Variants in PCDHA7 observed in about 807,000 individuals in gnomAD.
The protein encoded by PCDHA7 is protocadherin alpha 7, also known as protocadherin alpha-7.
PCDHA7 carries 37 observed loss-of-function variants against 57.2 expected under a neutral mutation model. The observed-to-expected ratio is 0.65, with a 90% CI of 0.50 to 0.85. PCDHA7 has a LOEUF of 0.85. Among genes scored for constraint, PCDHA7 ranks in the 40% least tolerant of loss-of-function variants. The probability of loss-of-function intolerance (pLI) is 0.00; values close to 1 mark genes in which losing one functional copy is unlikely to be tolerated. For missense variants in PCDHA7, 1,188 were observed against 1,241.8 expected, an observed-to-expected ratio of 0.96 and a Z score of 0.65; for synonymous variants, 553 against 558.8, an observed-to-expected ratio of 0.99 and a Z score of 0.15.
intron 1 of PCDHA7, chr5:140,883,678 G>A (rs555791080): frequency 3.7e-6 from 6 of 1,613,902 alleles, no homozygotes; most frequent in South Asian, 3.3e-5. Flanking sequence ...ACAATCCGCC[G>A]GGCTGCCACA....
intron 3 of PCDHA7, among the ~76,000 whole-genome samples, chr5:140,995,219 GT>G (rs1554254532): frequency 6.6e-6 from 1 of 152,072 alleles, no homozygotes; most frequent in East Asian, 1.9e-4. Flanking sequence ...CAATACTCTT[GT>G]GCTTTGGGGC....
chr5:140,955,976 G>A (rs2095244273), intron 1 of PCDHA7, among the ~76,000 whole-genome samples: 1 of 152,180 alleles, frequency 6.6e-6, no homozygotes, highest in South Asian at 2.1e-4. Flanking sequence ...AGGAATGCTA[G>A]CAATTTTTGC....
chr5:141,000,304 G>A (rs1225893261), intron 3 of PCDHA7, among the ~76,000 whole-genome samples: 1 of 147,530 alleles, frequency 6.8e-6, no homozygotes, highest in Non-Finnish European at 1.5e-5. Context: ...GAGGCCAGGA[G>A]TTCAAGACCA....
chr5:140,845,125 T>C (rs1779709915), intron 1 of PCDHA7, among the ~76,000 whole-genome samples: 1 of 149,748 alleles, frequency 6.7e-6, no homozygotes, highest in Non-Finnish European at 1.5e-5. Flanking sequence ...GTTTAGCATT[T>C]TATTTGACTA....
intron 1 of PCDHA7, chr5:140,966,328 C>T: frequency 5.1e-6 from 2 of 392,484 alleles, no homozygotes; most frequent in Non-Finnish European, 9.0e-6. Context: ...CGCTGGGATC[C>T]GGCAGGTCCA....
chr5:140,884,598 C>T (rs782317237), intron 1 of PCDHA7: 4 of 1,614,108 alleles, frequency 2.5e-6, no homozygotes. Flanking sequence ...CCCAGCCTTC[C>T]TCCTTGTCTG....
intron 1 of PCDHA7, chr5:140,870,542 A>T (rs781984897): frequency 1.2e-6 from 2 of 1,614,132 alleles, no homozygotes; most frequent in Non-Finnish European, 1.7e-6. Context: ...TCGGCGCGGG[A>T]CGCGGACGCG....
chr5:140,890,499 TTA>T (rs1320014650), intron 1 of PCDHA7, among the ~76,000 whole-genome samples: 1 of 152,222 alleles, frequency 6.6e-6, no homozygotes, highest in Non-Finnish European at 1.5e-5. Flanking sequence ...CTCACCATTT[TTA>T]TGTCTCTATT....
chr5:140,883,507 G>T (rs782325165), intron 1 of PCDHA7: 1 of 1,614,200 alleles, frequency 6.2e-7, no homozygotes, highest in South Asian at 1.1e-5. Flanking sequence ...ACAGCGCCCT[G>T]GACCGCGAGA....
At chr5:140,883,634 G>C (rs782548505) in intron 1 of PCDHA7, 18 of 1,613,174 alleles carry the variant, frequency 1.1e-5, no homozygotes, top group African/African-American at 5.4e-5. Flanking sequence ...GCCGGCGTTC[G>C]CGCAGCCCGA....
chr5:140,835,950 T>C lies in PCDHA7; in HGVS notation c.1567T>C (p.Leu523=), dbSNP rs2150248935. Residue 523 remains leucine, a synonymous_variant, in exon 1 of 4, where the codon TTG becomes CTG. Coordinates refer to ENST00000525929, the MANE Select transcript of PCDHA7 (RefSeq NM_018910.3). ...CGGCAAGGTGTACGCGCTGCAGCCGTTGGACCACGAGGAGCTGGAGCTGTT... is the reference window on the plus strand; with the variant it reads ...CGGCAAGGTGTACGCGCTGCAGCCGCTGGACCACGAGGAGCTGGAGCTGTT... ...ESGKVYALQP[L]DHEELELLQF... 2.7e-5 allele frequency: 44 copies of C among 1,612,684 alleles called. No homozygotes were observed. The highest frequency in any genetic ancestry group is 3.6e-4 in the Middle Eastern group (2 of 5,552).
chr5:140,927,529 C>G, intron 1 of PCDHA7: 2 of 1,614,098 alleles, frequency 1.2e-6, no homozygotes, highest in South Asian at 1.1e-5. Flanking sequence ...GCTACCTGCC[C>G]GCTCAGGAGA....
rs185799175 is a variant in PCDHA7, at chr5:140,887,220, C to G, written c.2355+50482C>G. ...CACGCCATTCTCCTGCCTCAGCCTC[C>G]CGAGTAGCTGAGACTACCGGCGCCC... On this transcript the variant is annotated intron_variant, in intron 1 of 3. Coordinates refer to ENST00000525929, the MANE Select transcript of PCDHA7 (RefSeq NM_018910.3). Among the ~76,000 whole-genome samples, 14 of 152,078 alleles carry G rather than the reference C, an allele frequency of 9.2e-5. No individual in the cohort carries two copies. In the East Asian group the frequency reaches 2.7e-3, roughly 30 times the overall value.
chr5:140,841,839 G>T, intron 1 of PCDHA7: 1 of 1,613,898 alleles, frequency 6.2e-7, no homozygotes, highest in South Asian at 1.1e-5. Context: ...TACAGGCTTA[G>T]CTCTCATGAT....
rs982709387 is a variant in PCDHA7, at chr5:141,003,306, C to T, written c.2504-6321C>T. ...TGGATTATAGGATTACATGAAGTGG[C>T]CAGCTACTTCCAGAGGGCAGGGTTT... On this transcript the variant is annotated intron_variant, in intron 3 of 3. Coordinates refer to ENST00000525929, the MANE Select transcript of PCDHA7 (RefSeq NM_018910.3). 1.7e-4 allele frequency among the ~76,000 whole-genome samples: 26 copies of T among 152,276 alleles called. No homozygotes were observed. In the East Asian group the frequency reaches 4.1e-3, roughly 24 times the overall value.
At chr5:140,986,044 G>A (rs1261726247) in intron 3 of PCDHA7, among the ~76,000 whole-genome samples, 4 of 152,078 alleles carry the variant, frequency 2.6e-5, no homozygotes, top group African/African-American at 9.7e-5. Flanking sequence ...TGGCCTCACT[G>A]ATGAATTCTT....
intron 1 of PCDHA7, chr5:140,883,623 C>A: frequency 6.2e-7 from 1 of 1,613,988 alleles, no homozygotes; most frequent in Non-Finnish European, 8.5e-7. Context: ...AACGACAACG[C>A]GCCGGCGTTC....
rs2150369149 is a variant in PCDHA7 at position 140,844,155 on chromosome 5, T to C, written c.2355+7417T>C. On this transcript the variant is annotated intron_variant, in intron 1 of 3. Transcript: ENST00000525929. ...AATATGTTGTCTTTATATTTACTTTTATTCACTTTAAGATCTCGGTTTATT... is the reference window on the plus strand; with the variant it reads ...AATATGTTGTCTTTATATTTACTTTCATTCACTTTAAGATCTCGGTTTATT... 1.3e-4 allele frequency among the ~76,000 whole-genome samples: 20 copies of C among 149,790 alleles called. 2 individuals carry two copies. The highest frequency in any genetic ancestry group is 6.7e-4 in the Admixed American group (10 of 14,966).
intron 2 of PCDHA7, 123 bp from the exon 3 acceptor site, chr5:140,982,352 G>A (rs1554244046): frequency 4.0e-6 from 6 of 1,507,640 alleles, no homozygotes; most frequent in Non-Finnish European, 5.3e-6. Context: ...TTCAGTTCAA[G>A]CATGAGCAGA....
Sources: allele counts gnomAD v4.1 joint callset (sites outside exome capture counted in the v4.1 genomes callset), GRCh38; gene constraint gnomAD v4.1.1; transcripts MANE v1.5; gene names NCBI Gene and HGNC (gene_info 2026-07-23, HGNC 2026-07-21).